Variants in SPATA1 observed in about 807,000 individuals in gnomAD.
SPATA1 encodes the protein spermatogenesis-associated protein 1.
A neutral mutation model predicts 59.6 loss-of-function variants in SPATA1; 57 were observed. The ratio of observed to expected loss-of-function variants is 0.96; its 90% CI spans 0.77 to 1.19. The LOEUF is 1.19. Among genes scored for constraint, SPATA1 ranks in the 50% most tolerant of loss-of-function variants. The pLI, the probability that SPATA1 is intolerant of heterozygous loss-of-function variation, is 0.00. For missense variants in SPATA1, 448 were observed against 480.7 expected, an observed-to-expected ratio of 0.93 and a Z score of 0.64; for synonymous variants, 147 against 163.9, an observed-to-expected ratio of 0.90 and a Z score of 0.79.
At chr1:84,550,215 T>G (rs1684230628) in intron 11 of SPATA1, 1 of 322,966 alleles carries the variant, frequency 3.1e-6, no homozygotes, top group Admixed American at 4.9e-5. Flanking sequence ...ACGATGCTAA[T>G]TTAATGGTAA....
chr1:84,553,088 G>GA lies in SPATA1; in HGVS notation c.1288dup (p.Ile430AsnfsTer14), dbSNP rs759280571. On this transcript the variant is annotated frameshift_variant, in exon 13 of 13. Transcript: ENST00000490879. LOFTEE classifies it low-confidence loss of function (END_TRUNC). ...GAACATTGAAAACTGAACTGGCACA[G>GA]AAAAAAAAAATAATACATCTCTACA... 4.9e-3 allele frequency: 6,606 copies of GA among 1,353,062 alleles called. No homozygotes were observed. The highest frequency in any genetic ancestry group is 7.6e-3 in the Admixed American group (287 of 37,780). The allele number at this position is 1,353,062 out of a possible 1,614,324, so 83.8% of individuals were successfully genotyped here.
chr1:84,516,313 G>C, exon 2 of SPATA1: 1 of 1,474,448 alleles, frequency 6.8e-7, no homozygotes, highest in Non-Finnish European at 9.0e-7. Context: ...GATAAAAAAA[G>C]AAACAAAATT....
At chr1:84,548,895 G>C in exon 11 of SPATA1, 1 of 1,606,788 alleles carries the variant, frequency 6.2e-7, no homozygotes, top group African/African-American at 1.3e-5. Context: ...ATAAAAAACT[G>C]CTCATGCAAC....
At chr1:84,558,139 G>A (rs1323381828), downstream of SPATA1, among the ~76,000 whole-genome samples, 1 of 152,112 alleles carries the variant, frequency 6.6e-6, no homozygotes, top group Non-Finnish European at 1.5e-5. Flanking sequence ...AAATTCCTAA[G>A]AGAATGGATT....
intron 2 of SPATA1, chr1:84,520,213 C>G (rs1007864686): frequency 2.9e-5 from 5 of 174,856 alleles, no homozygotes; most frequent in Non-Finnish European, 6.0e-5. Context: ...AAAGATTCCA[C>G]AGGGGATCAC....
intron 4 of SPATA1, 112 bp from the exon 14 acceptor site, chr1:84,565,749 C>T: frequency 1.5e-6 from 1 of 669,778 alleles, no homozygotes; most frequent in Non-Finnish European, 2.1e-6. Context: ...AAAACGTATA[C>T]ATATAACTTA....
At chr1:84,514,803 T>C (rs1481825010) in intron 1 of SPATA1, among the ~76,000 whole-genome samples, 1 of 152,134 alleles carries the variant, frequency 6.6e-6, no homozygotes, top group African/African-American at 2.4e-5. Flanking sequence ...AAAACCTGTC[T>C]CTATTAAAAA....
chr1:84,560,133 G>A (rs372700162), intron 4 of SPATA1, among the ~76,000 whole-genome samples: 8 of 136,842 alleles, frequency 5.8e-5, no homozygotes, highest in Admixed American at 1.4e-4. Flanking sequence ...AAGAAAGAAA[G>A]GAAAGAAAGA....
intron 6 of SPATA1, among the ~76,000 whole-genome samples, chr1:84,532,535 C>T (rs538874295): frequency 6.6e-6 from 1 of 152,174 alleles, no homozygotes; most frequent in African/African-American, 2.4e-5. Flanking sequence ...CCCAACTTAC[C>T]TACCCCGCTC....
chr1:84,541,462 TACTA>T (rs1683899788), intron 8 of SPATA1, among the ~76,000 whole-genome samples: 1 of 152,082 alleles, frequency 6.6e-6, no homozygotes, highest in Admixed American at 6.6e-5. Context: ...ATGTTTTTCT[TACTA>T]TATTTTTGGT....
At chr1:84,536,805 TA>T (rs1442182829) in intron 8 of SPATA1, among the ~76,000 whole-genome samples, 2 of 152,048 alleles carry the variant, frequency 1.3e-5, no homozygotes, top group Non-Finnish European at 2.9e-5. Context: ...AGAATTCTTT[TA>T]AAAAACCTTA....
chr1:84,565,977 T>G, exon 5 of SPATA1: 1 of 1,578,222 alleles, frequency 6.3e-7, no homozygotes, highest in Non-Finnish European at 8.6e-7. Flanking sequence ...ATCTTCTGTC[T>G]ATGTTCTTTG....
intron 12 of SPATA1, chr1:84,550,849 G>GTCTGCC: frequency 1.0e-6 from 1 of 992,564 alleles, no homozygotes. Context: ...GAATTATTAA[G>GTCTGCC]TCTGATAAAC....
chr1:84,537,863 C>A (rs1417842982), intron 8 of SPATA1, among the ~76,000 whole-genome samples: 1 of 152,144 alleles, frequency 6.6e-6, no homozygotes, highest in East Asian at 1.9e-4. Flanking sequence ...CTCCCTGTAG[C>A]CATTCCCTTA....
At chr1:84,507,930 C>A (rs1035751598) in intron 1 of SPATA1, among the ~76,000 whole-genome samples, 1 of 151,924 alleles carries the variant, frequency 6.6e-6, no homozygotes, top group Non-Finnish European at 1.5e-5. Context: ...TCTCAAACAC[C>A]AGGTGTTATT....
exon 11 of SPATA1, chr1:84,548,813 T>C (rs1684181312): frequency 7.1e-7 from 1 of 1,416,584 alleles, no homozygotes; most frequent in Non-Finnish European, 9.3e-7. Context: ...AAAAAATACT[T>C]GGAAACAAAG....
At chr1:84,538,793 T>C (rs753028371) in intron 8 of SPATA1, among the ~76,000 whole-genome samples, 2 of 152,028 alleles carry the variant, frequency 1.3e-5, no homozygotes, top group African/African-American at 2.4e-5. Context: ...TGTGGGGTTA[T>C]TGGTTTTGGT....
At chr1:84,525,600 C>T (rs1427195181) in intron 4 of SPATA1, 96 bp from the exon 5 acceptor site, 2 of 939,966 alleles carry the variant, frequency 2.1e-6, no homozygotes, top group Non-Finnish European at 3.1e-6. Context: ...TTTATATTTG[C>T]CACAAATACA....
rs986690647 is a variant in SPATA1 at position 84,563,895 on chromosome 1, GCT to G, written n.443-1965_443-1964del. The G allele has an allele frequency of 2.2e-5, 33 of 1,518,368 alleles. No individual in the cohort carries two copies. The African/African-American group carries it at 4.6e-4, about 21-fold the overall frequency. 94.1% of individuals were successfully genotyped at this position (1,518,368 alleles called of 1,614,324 possible). On this transcript the variant is annotated intron_variant and non_coding_transcript_variant, in intron 4 of 4. Coordinates refer to the SPATA1 transcript ENST00000460286. The stretch of plus-strand genomic sequence containing the variant: ...TTCATATGTCAATGTGTTCATACAA[GCT>G]ATGCAACCGTTCAGAATCTGTTTGT...
Sources: gnomAD v4.1 joint callset for allele counts (sites outside exome capture counted in the v4.1 genomes callset) on GRCh38, gnomAD v4.1.1 for gene constraint, MANE v1.5 for transcripts, NCBI Gene and HGNC (gene_info 2026-07-23, HGNC 2026-07-21) for gene names.